BACH2: variants seen among roughly 807,000 people sequenced by gnomAD.
BACH2 encodes the protein transcription regulator protein BACH2.
In BACH2, 5 loss-of-function variants were observed where a neutral mutation model predicts 61.8. The observed-to-expected ratio is 0.08, with a 90% CI of 0.04 to 0.17. The LOEUF (loss-of-function observed/expected upper bound fraction) is 0.17, where lower values mean the gene tolerates loss of function less well. Ranked by LOEUF, BACH2 falls within the 10% of genes least tolerant of loss-of-function variation. The probability of loss-of-function intolerance (pLI) is 1.00; values close to 1 mark genes in which losing one functional copy is unlikely to be tolerated. For missense variants in BACH2, 824 were observed against 1,091.1 expected, an observed-to-expected ratio of 0.76 and a Z score of 3.45; for synonymous variants, 446 against 440.1, an observed-to-expected ratio of 1.01 and a Z score of -0.17.
chr6:89,935,325 A>G (rs1772954453), intron 8 of BACH2, among the ~76,000 whole-genome samples: 1 of 152,178 alleles, frequency 6.6e-6, no homozygotes. Flanking sequence ...CCCTTTTAGT[A>G]CAGAAATCTG....
chr6:90,231,623 A>G (rs1344463075), intron 3 of BACH2, among the ~76,000 whole-genome samples: 3 of 152,226 alleles, frequency 2.0e-5, no homozygotes, highest in Non-Finnish European at 4.4e-5. Flanking sequence ...TCTCATTTTT[A>G]GTCTACTCAT....
intron 1 of BACH2, among the ~76,000 whole-genome samples, chr6:90,272,871 C>A (rs1448852715): frequency 1.3e-5 from 2 of 152,080 alleles, no homozygotes; most frequent in African/African-American, 2.4e-5. Flanking sequence ...CTATCACTAC[C>A]CCTGCCATTT....
chr6:89,936,593 C>A (rs1485050507), intron 8 of BACH2, among the ~76,000 whole-genome samples: 1 of 152,146 alleles, frequency 6.6e-6, no homozygotes, highest in African/African-American at 2.4e-5. Context: ...GAGGTAGCTA[C>A]AGACTGGAAC....
intron 1 of BACH2, among the ~76,000 whole-genome samples, chr6:90,289,713 G>A (rs984699716): frequency 9.2e-5 from 14 of 152,144 alleles, no homozygotes; most frequent in Non-Finnish European, 2.9e-5. Context: ...GTGTTGGTCC[G>A]CATTCAACAC....
intron 6 of BACH2, among the ~76,000 whole-genome samples, chr6:89,969,306 C>T (rs1171522700): frequency 2.6e-5 from 4 of 152,056 alleles, no homozygotes; most frequent in Admixed American, 6.5e-5. Flanking sequence ...CCGCCCATCT[C>T]GGCCTCCCAA....
At chr6:90,112,204 A>C (rs1424634801) in intron 4 of BACH2, among the ~76,000 whole-genome samples, 1 of 152,200 alleles carries the variant, frequency 6.6e-6, no homozygotes, top group Non-Finnish European at 1.5e-5. Flanking sequence ...CATCTTCTGC[A>C]ATGTATGTCA....
chr6:89,985,660 G>A (rs1453908339), intron 6 of BACH2, among the ~76,000 whole-genome samples: 6 of 152,124 alleles, frequency 3.9e-5, no homozygotes, highest in African/African-American at 1.2e-4. Context: ...GCAAAATGGG[G>A]GGAAAATCGG....
chr6:90,159,522 G>T (rs1785116733), intron 4 of BACH2, among the ~76,000 whole-genome samples: 1 of 152,150 alleles, frequency 6.6e-6, no homozygotes, highest in Non-Finnish European at 1.5e-5. Context: ...TTAAGAAATG[G>T]TCACTATACA....
chr6:90,062,498 TCC>T (rs754863682), intron 5 of BACH2, among the ~76,000 whole-genome samples: 1 of 152,160 alleles, frequency 6.6e-6, no homozygotes, highest in Non-Finnish European at 1.5e-5. Flanking sequence ...CACCTCACTA[TCC>T]CTTGGGAATT....
chr6:90,284,889 C>T (rs1771970786), intron 1 of BACH2, among the ~76,000 whole-genome samples: 1 of 152,160 alleles, frequency 6.6e-6, no homozygotes, highest in African/African-American at 2.4e-5. Flanking sequence ...CAAGAACTTC[C>T]ATCAACATCA....
intron 4 of BACH2, among the ~76,000 whole-genome samples, chr6:90,137,973 A>G (rs1018547620): frequency 3.3e-5 from 5 of 152,150 alleles, no homozygotes; most frequent in Non-Finnish European, 7.4e-5. Flanking sequence ...ACAATAAAAC[A>G]TAAGAAGTGG....
chr6:90,220,115 C>A (rs1769689951), intron 3 of BACH2, among the ~76,000 whole-genome samples: 1 of 152,136 alleles, frequency 6.6e-6, no homozygotes, highest in African/African-American at 2.4e-5. Context: ...TGAAATGGAA[C>A]CTACTATCAG....
chr6:90,061,879 C>G (rs1051268233), intron 5 of BACH2, among the ~76,000 whole-genome samples: 23 of 152,098 alleles, frequency 1.5e-4, no homozygotes, highest in African/African-American at 5.1e-4. Flanking sequence ...GTGTCAGAGA[C>G]TTTAATGGAG....
In BACH2 at chr6:90,289,046, C is replaced by A. The variant is rs192887633; in HGVS notation, c.-446+7434G>T. 5.3e-4 allele frequency among the ~76,000 whole-genome samples: 81 copies of A among 152,218 alleles called. 1 individual carries two copies. Among genetic ancestry groups the A allele is most frequent in the African/African-American group, 1.9e-3 (79 of 41,508 alleles). Reference sequence around the variant, plus strand: ...AATGGACACTAAAACCTAAGGAATGCAATTATTAGAAAGCAGGCCATGTGA... The same window carrying A: ...AATGGACACTAAAACCTAAGGAATGAAATTATTAGAAAGCAGGCCATGTGA... On this transcript the variant is annotated intron_variant, in intron 1 of 8. Transcript: ENST00000257749.
chr6:90,280,745 C>G (rs367591621), intron 1 of BACH2, among the ~76,000 whole-genome samples: 3 of 152,260 alleles, frequency 2.0e-5, no homozygotes, highest in African/African-American at 7.2e-5. Context: ...GGTATTGTGG[C>G]CCCAGTCAAG....
intron 4 of BACH2, among the ~76,000 whole-genome samples, chr6:90,105,705 T>G (rs1198780421): frequency 6.6e-6 from 1 of 152,234 alleles, no homozygotes; most frequent in African/African-American, 2.4e-5. Flanking sequence ...GCTTCCTGTT[T>G]TTCAGTACTT....
chr6:90,129,636 T>A (rs966517379), intron 4 of BACH2, among the ~76,000 whole-genome samples: 1 of 152,224 alleles, frequency 6.6e-6, no homozygotes, highest in South Asian at 2.1e-4. Flanking sequence ...CCTCTCTTAC[T>A]TCCTGGAGCA....
chr6:90,135,180 A>T (rs1784229868), intron 4 of BACH2, among the ~76,000 whole-genome samples: 1 of 152,196 alleles, frequency 6.6e-6, no homozygotes, highest in Non-Finnish European at 1.5e-5. Context: ...CACATCCTAC[A>T]AACATTTTCT....
At chr6:90,215,056 T>C (rs1023883443) in intron 3 of BACH2, among the ~76,000 whole-genome samples, 3 of 152,106 alleles carry the variant, frequency 2.0e-5, no homozygotes, top group Admixed American at 6.6e-5. Flanking sequence ...TATCTGGCCA[T>C]ATTCTGTACT....
Sources: gnomAD v4.1 joint callset for allele counts (sites outside exome capture counted in the v4.1 genomes callset) on GRCh38, gnomAD v4.1.1 for gene constraint, MANE v1.5 for transcripts, NCBI Gene and HGNC (gene_info 2026-07-23, HGNC 2026-07-21) for gene names.